PSG5: variants seen among roughly 807,000 people sequenced by gnomAD.
PSG5 encodes the protein pregnancy specific beta-1-glycoprotein 5, also known as pregnancy-specific beta-1-glycoprotein 5.
In PSG5, 53 loss-of-function variants were observed where a neutral mutation model predicts 37.7. The observed-to-expected ratio is 1.41, with a 90% CI of 1.13 to 1.77. The LOEUF is 1.77. PSG5 is among the 40% of genes most tolerant of loss of function. The probability of loss-of-function intolerance (pLI) is 0.00; values close to 1 mark genes in which losing one functional copy is unlikely to be tolerated. For missense variants in PSG5, 547 were observed against 405.2 expected, an observed-to-expected ratio of 1.35 and a Z score of -3.00; for synonymous variants, 221 against 155.4, an observed-to-expected ratio of 1.42 and a Z score of -3.14.
intron 4 of PSG5, among the ~76,000 whole-genome samples, chr19:43,173,110 T>C (rs1018737229): frequency 1.3e-5 from 2 of 151,636 alleles, no homozygotes; most frequent in African/African-American, 4.9e-5. Flanking sequence ...TGTTCCAAGA[T>C]CATTCAATGG....
rs1966902713 is a variant in PSG5, at chr19:43,185,071, C to T, written c.141G>A (p.Glu47=). Residue 47 remains glutamate, a synonymous_variant, in exon 2 of 6, where the codon GAG becomes GAA. Coordinates refer to ENST00000342951, the MANE Select transcript of PSG5 (RefSeq NM_002781.4). ...TIEALPPKVS[E]GKDVLLLVHN... ...GGACAAGTAGAAGAACATCCTTCCCCTCGGAAACTTTGGGTGGCAGGGCTT... is the reference window on the plus strand; with the variant it reads ...GGACAAGTAGAAGAACATCCTTCCCTTCGGAAACTTTGGGTGGCAGGGCTT... 1 of 1,612,336 alleles carries T rather than the reference C, an allele frequency of 6.2e-7. No homozygotes were observed. The highest frequency in any genetic ancestry group is 8.5e-7 in the Non-Finnish European group (1 of 1,179,064).
Position 43,167,992 on chromosome 19 carries a change from G to C in PSG5, c.*252C>G, listed in dbSNP as rs1026514763. On this transcript the variant is annotated 3_prime_UTR_variant, in exon 6 of 6. Transcript: ENST00000342951. ...TGATTATTTAGTCCAATAACATGGA[G>C]TTTTTTTCTTCTTTGTCTAGAATTT... 7.3e-6 allele frequency: 3 copies of C among 409,284 alleles called. No homozygotes were observed. The highest frequency in any genetic ancestry group is 6.2e-5 in the African/African-American group (3 of 48,200). The allele number at this position is 409,284 out of a possible 1,614,324, so 25.4% of individuals were successfully genotyped here.
At chr19:43,176,752 A>C (rs571702242) in intron 2 of PSG5, among the ~76,000 whole-genome samples, 1 of 150,580 alleles carries the variant, frequency 6.6e-6, no homozygotes, top group Non-Finnish European at 1.5e-5. Context: ...AGTGTTTTGC[A>C]GGTGTTTCAT....
intron 2 of PSG5, 108 bp from the exon 3 acceptor site, chr19:43,176,256 T>G: frequency 6.6e-7 from 1 of 1,524,060 alleles, no homozygotes; most frequent in Non-Finnish European, 8.9e-7. Context: ...ACCAGAGTCC[T>G]TGAAAGCCAG....
At position 43,175,989 on chromosome 19, in the gene PSG5, A is replaced by G. The variant is rs551665696; in HGVS notation, c.590T>C (p.Ile197Thr). ...GGGTAGAATGAGGATCCTGTTTTCA[A>G]TGGGTCGCTTTACCCTGGGACTGAC... ...LPVSPRVKRP[I>T]ENRILILPSV... The change falls in exon 3 of 6, where the codon ATT (isoleucine) becomes ACT (threonine). Residue 197 changes from isoleucine to threonine, a missense_variant. Transcript: ENST00000342951. The G allele has an allele frequency of 5.3e-5, 85 of 1,611,576 alleles. 5 individuals are homozygous for G. Among genetic ancestry groups the G allele is most frequent in the Non-Finnish European group, 7.0e-5 (82 of 1,179,160 alleles).
rs570239339 is a variant in PSG5, at chr19:43,181,970, C to T, written c.430+2812G>A. On this transcript the variant is annotated intron_variant, in intron 2 of 5. Coordinates refer to ENST00000342951, the MANE Select transcript of PSG5 (RefSeq NM_002781.4). ...TCCATGGGCATTGGGGACTGCAGGC[C>T]TGTCCAGCCTCTGACACCCTGGTGA... is the stretch of plus-strand genomic sequence containing the variant. Among the ~76,000 whole-genome samples, 11 of 151,770 alleles carry T rather than the reference C, an allele frequency of 7.2e-5. No individual in the cohort carries two copies. In the South Asian group the frequency reaches 1.2e-3, roughly 17 times the overall value.
intron 2 of PSG5, among the ~76,000 whole-genome samples, chr19:43,184,473 C>CT (rs1279301117): frequency 6.6e-6 from 1 of 151,616 alleles, no homozygotes; most frequent in African/African-American, 2.4e-5. Context: ...TCTCCAGGGT[C>CT]TTTCTCAGGG....
intron 2 of PSG5, 98 bp downstream of exon 2, chr19:43,184,684 G>A (rs1653574526): frequency 6.3e-7 from 1 of 1,582,736 alleles, no homozygotes. Context: ...ATAATGCAGA[G>A]AGGGACACAG....
Position 43,176,015 on chromosome 19 carries a change from C to G in PSG5, c.564G>C (p.Pro188=). 6.2e-7 allele frequency: 1 copy of G among 1,611,044 alleles called. No individual in the cohort carries two copies. The highest frequency in any genetic ancestry group is 1.1e-5 in the South Asian group (1 of 90,970). ...YIWWLNGQSL[P]VSPRVKRPIE... is the part of the protein sequence containing the mutation. ...TGGGTCGCTTTACCCTGGGACTGAC[C>G]GGGAGGCTCTGACCATTTAGCCACC... is the stretch of plus-strand genomic sequence containing the variant. The change falls in exon 3 of 6, where the codon CCG becomes CCC. Residue 188 remains proline (P), a synonymous_variant. Coordinates refer to ENST00000342951, the MANE Select transcript of PSG5 (RefSeq NM_002781.4).
At chr19:43,171,327 C>A (rs1968901455) in intron 4 of PSG5, 1 of 151,804 alleles carries the variant, frequency 6.6e-6, no homozygotes. Context: ...ATGAAGAAAG[C>A]ACTCTCATTG....
chr19:43,183,792 A>G (rs1969183170), intron 2 of PSG5, among the ~76,000 whole-genome samples: 1 of 151,436 alleles, frequency 6.6e-6, no homozygotes, highest in Non-Finnish European at 1.5e-5. Flanking sequence ...CTGTGGCTGC[A>G]GACAGACCTC....
chr19:43,179,597 A>G (rs540928375), intron 2 of PSG5, among the ~76,000 whole-genome samples: 1 of 151,844 alleles, frequency 6.6e-6, no homozygotes, highest in Non-Finnish European at 1.5e-5. Flanking sequence ...CTAGAGATGG[A>G]TGATGGAACT....
intron 2 of PSG5, among the ~76,000 whole-genome samples, chr19:43,181,048 A>G (rs1969116981): frequency 6.6e-6 from 1 of 151,636 alleles, no homozygotes; most frequent in South Asian, 2.1e-4. Flanking sequence ...GTGAATTAGG[A>G]AGAATCTAAG....
intron 2 of PSG5, chr19:43,183,360 A>C (rs754804926): frequency 2.0e-5 from 10 of 511,910 alleles, no homozygotes; most frequent in Non-Finnish European, 3.9e-5. Flanking sequence ...TGCATCCAAC[A>C]TCCAGTCTCT....
rs565325984 is a variant in PSG5, at chr19:43,174,800, GA to G, written c.964+414del. ...AGGGGCTTCCTCGTCTCATTTGGGGGAAAAGTGTGAGCTTGTTTCAGAGCCT... is the reference window on the plus strand; with the variant it reads ...AGGGGCTTCCTCGTCTCATTTGGGGGAAAGTGTGAGCTTGTTTCAGAGCCT... On this transcript the variant is annotated intron_variant, in intron 4 of 5. Coordinates refer to ENST00000342951, the MANE Select transcript of PSG5 (RefSeq NM_002781.4). The G allele has an allele frequency of 5.0e-3, 5,852 of 1,180,866 alleles. 84 individuals are homozygous for G. Among genetic ancestry groups the G allele is most frequent in the South Asian group, 0.02 (610 of 31,128 alleles). 73.1% of individuals were successfully genotyped at this position (1,180,866 alleles called of 1,614,324 possible).
At chr19:43,185,442 CA>C (rs1261197546) in intron 1 of PSG5, among the ~76,000 whole-genome samples, 151 of 140,810 alleles carry the variant, frequency 1.1e-3, no homozygotes, top group Middle Eastern at 3.9e-3. Context: ...CCCCCCCCCC[CA>C]CACTGCCCTC....
intron 4 of PSG5, chr19:43,171,529 A>G (rs193149982): frequency 3.1e-6 from 1 of 322,332 alleles, no homozygotes; most frequent in East Asian, 5.6e-5. Context: ...ATTAGAGTGG[A>G]CATAAATAAA....
intron 4 of PSG5, chr19:43,174,775 AG>A: frequency 8.6e-7 from 1 of 1,168,914 alleles, no homozygotes. Context: ...CCCTCACCCA[AG>A]GGGCTTCCTC....
At chr19:43,171,990 AAAAAAAAAG>A (rs1425058839) in intron 4 of PSG5, among the ~76,000 whole-genome samples, 3 of 150,394 alleles carry the variant, frequency 2.0e-5, no homozygotes, top group Non-Finnish European at 4.4e-5. Flanking sequence ...CTTCAAAAAA[AAAAAAAAAG>A]AAAAAGAAAG....
Sources: gnomAD v4.1 joint callset for allele counts (sites outside exome capture counted in the v4.1 genomes callset) on GRCh38, gnomAD v4.1.1 for gene constraint, MANE v1.5 for transcripts, NCBI Gene and HGNC (gene_info 2026-07-23, HGNC 2026-07-21) for gene names.